The following SAMD12 variants were observed in gnomAD, a reference collection of about 807,000 sequenced individuals.
SAMD12 encodes sterile alpha motif domain-containing protein 12.
A neutral mutation model predicts 15.0 loss-of-function variants in SAMD12; 9 were observed. That is an observed-to-expected ratio of 0.60 (90% CI 0.36 to 1.05). SAMD12 has a LOEUF of 1.05. SAMD12 is among the 50% of genes least tolerant of loss of function. The pLI is 0.01. For synonymous variants in SAMD12, 86 were observed against 90.1 expected, an observed-to-expected ratio of 0.96 and a Z score of 0.25; for missense variants, 230 against 234.2, an observed-to-expected ratio of 0.98 and a Z score of 0.12.
At chr8:118,456,047 G>C (rs1433261507) in intron 2 of SAMD12, among the ~76,000 whole-genome samples, 6 of 151,996 alleles carry the variant, frequency 3.9e-5, no homozygotes, top group Non-Finnish European at 5.9e-5. Context: ...AACCTGATTG[G>C]GTCCTTCAGT....
At chr8:118,272,692 C>T (rs1813392665) in intron 4 of SAMD12, among the ~76,000 whole-genome samples, 1 of 152,192 alleles carries the variant, frequency 6.6e-6, no homozygotes, top group Admixed American at 6.6e-5. Flanking sequence ...TTCCACAGAT[C>T]TCTAGGCCAG....
chr8:118,616,603 G>C (rs545757796), intron 1 of SAMD12, among the ~76,000 whole-genome samples: 2 of 152,312 alleles, frequency 1.3e-5, no homozygotes, highest in South Asian at 2.1e-4. Context: ...TCTCTGATGA[G>C]CAAGTCTGTG....
chr8:118,456,487 A>C (rs1254718855), intron 2 of SAMD12, among the ~76,000 whole-genome samples: 1 of 152,232 alleles, frequency 6.6e-6, no homozygotes, highest in African/African-American at 2.4e-5. Context: ...GAATTATACA[A>C]TAAGTATGGA....
At chr8:118,197,722 C>G in exon 5 of SAMD12, 1 of 1,613,536 alleles carries the variant, frequency 6.2e-7, no homozygotes, top group Non-Finnish European at 8.5e-7. Context: ...ATGGAGAACC[C>G]TCAGATGATG....
At chr8:118,202,912 C>T (rs190729998) in intron 4 of SAMD12, among the ~76,000 whole-genome samples, 14 of 152,282 alleles carry the variant, frequency 9.2e-5, no homozygotes, top group Admixed American at 3.3e-4. Flanking sequence ...ATTTATGGAA[C>T]GATTACAATA....
intron 2 of SAMD12, among the ~76,000 whole-genome samples, chr8:118,481,419 TAGC>T (rs1824123901): frequency 1.3e-5 from 2 of 152,302 alleles, no homozygotes; most frequent in East Asian, 3.9e-4. Context: ...AATAGCAGGT[TAGC>T]TGGTTGGCTG....
At position 118,341,951 on chromosome 8, in the gene SAMD12, C is replaced by T. The variant is rs1179900583; in HGVS notation, c.433+37609G>A. Among the ~76,000 whole-genome samples, 4 of 152,210 alleles carry T rather than the reference C, an allele frequency of 2.6e-5. No individual in the cohort carries two copies. In the East Asian group the frequency reaches 7.7e-4, roughly 29 times the overall value. On this transcript the variant is annotated intron_variant, in intron 4 of 4. Transcript: ENST00000409003. ...ATTCACAGAAATGGCCCATGCCCACCATTGTGTACTCTCTGCTTAAAGCAC... is the reference window on the plus strand; with the variant it reads ...ATTCACAGAAATGGCCCATGCCCACTATTGTGTACTCTCTGCTTAAAGCAC...
chr8:118,480,631 G>A (rs562940813), intron 2 of SAMD12, among the ~76,000 whole-genome samples: 12 of 152,212 alleles, frequency 7.9e-5, no homozygotes, highest in Admixed American at 4.6e-4. Context: ...TCACTGACTT[G>A]GGCCCCCTCA....
chr8:118,447,979 C>T (rs1415826580), intron 2 of SAMD12, among the ~76,000 whole-genome samples: 2 of 151,986 alleles, frequency 1.3e-5, no homozygotes, highest in African/African-American at 4.8e-5. Flanking sequence ...CTGCCCACCT[C>T]GGCCTCCCAA....
At chr8:118,232,940 G>A (rs1279117487) in intron 4 of SAMD12, among the ~76,000 whole-genome samples, 1 of 152,140 alleles carries the variant, frequency 6.6e-6, no homozygotes, top group Non-Finnish European at 1.5e-5. Flanking sequence ...TTGAAACTCT[G>A]CCAGAAAGAA....
At chr8:118,500,067 CT>C (rs563321387) in intron 2 of SAMD12, among the ~76,000 whole-genome samples, 106 of 72,552 alleles carry the variant, frequency 1.5e-3, no homozygotes, top group Middle Eastern at 0.017. Context: ...TGAGTTTTGC[CT>C]TTTTTTTTTT....
chr8:118,620,967 T>G (rs1410750849), intron 1 of SAMD12: 1 of 152,182 alleles, frequency 6.6e-6, no homozygotes, highest in African/African-American at 2.4e-5. Flanking sequence ...GTCCACAGTT[T>G]TTTTTTCTTC....
intron 2 of SAMD12, among the ~76,000 whole-genome samples, chr8:118,573,879 A>G (rs562452516): frequency 1.3e-5 from 2 of 152,322 alleles, no homozygotes; most frequent in East Asian, 3.9e-4. Flanking sequence ...TATGTGCTGG[A>G]CACAGTAGCA....
intron 4 of SAMD12, among the ~76,000 whole-genome samples, chr8:118,239,085 G>C (rs139246328): frequency 8.2e-4 from 125 of 152,206 alleles, no homozygotes; most frequent in African/African-American, 2.9e-3. Flanking sequence ...TATCACACCA[G>C]GGTATTCTTA....
intron 3 of SAMD12, among the ~76,000 whole-genome samples, chr8:118,423,512 C>T (rs948365155): frequency 6.6e-6 from 1 of 152,144 alleles, no homozygotes; most frequent in Non-Finnish European, 1.5e-5. Context: ...AGCATCAATC[C>T]AGCCTTCTCT....
intron 2 of SAMD12, among the ~76,000 whole-genome samples, chr8:118,539,590 C>T (rs1161042896): frequency 6.6e-6 from 1 of 152,158 alleles, no homozygotes; most frequent in Non-Finnish European, 1.5e-5. Flanking sequence ...GCCCATACCC[C>T]CACCCCAGAG....
intron 1 of SAMD12, among the ~76,000 whole-genome samples, chr8:118,601,290 C>T (rs569770360): frequency 6.6e-6 from 1 of 152,084 alleles, no homozygotes; most frequent in Admixed American, 6.5e-5. Flanking sequence ...TTGTATCTTA[C>T]TCTAGGATAT....
At chr8:118,535,048 CT>C (rs57517555) in intron 2 of SAMD12, among the ~76,000 whole-genome samples, 55,473 of 152,094 alleles carry the variant, frequency 0.36, 10,653 homozygotes, top group Admixed American at 0.44. Context: ...GAATTTTCAG[CT>C]TTTTGCTCTG....
intron 4 of SAMD12, among the ~76,000 whole-genome samples, chr8:118,217,167 C>A (rs1811982649): frequency 6.6e-6 from 1 of 152,166 alleles, no homozygotes; most frequent in African/African-American, 2.4e-5. Context: ...CCACACCCAG[C>A]TAATTTTTGT....
Sources: gnomAD v4.1 joint callset for allele counts (sites outside exome capture counted in the v4.1 genomes callset) on GRCh38, gnomAD v4.1.1 for gene constraint, MANE v1.5 for transcripts, NCBI Gene and HGNC (gene_info 2026-07-23, HGNC 2026-07-21) for gene names.